COL6A1: variants seen among roughly 807,000 people sequenced by gnomAD.
COL6A1 encodes collagen alpha-1(VI) chain.
COL6A1 carries 80 observed loss-of-function variants against 145.6 expected under a neutral mutation model. That is an observed-to-expected ratio of 0.55 (90% CI 0.46 to 0.66). COL6A1 has a LOEUF of 0.66. Ranked by LOEUF, COL6A1 falls within the 30% of genes least tolerant of loss-of-function variation. The pLI, the probability that COL6A1 is intolerant of heterozygous loss-of-function variation, is 0.00. For synonymous variants in COL6A1, 638 were observed against 622.8 expected (o/e 1.02, Z -0.36); for missense variants, 1,364 against 1,473.8 (o/e 0.93, Z 1.22).
intron 27 of COL6A1, 40 bp downstream of exon 27, chr21:45,999,732 G>C (rs2077827496): frequency 6.3e-7 from 1 of 1,586,964 alleles, no homozygotes; most frequent in Admixed American, 1.7e-5. Context: ...GGCGACCACT[G>C]TAGCTTCCAT....
intron 28 of COL6A1, 81 bp downstream of exon 28, chr21:46,000,448 C>T: frequency 1.3e-6 from 2 of 1,519,260 alleles, no homozygotes; most frequent in Non-Finnish European, 1.8e-6. Flanking sequence ...AAGGGTGTCT[C>T]CACTGTTGGG....
Position 46,002,039 on chromosome 21 carries a change from C to G in COL6A1, c.2035C>G (p.Pro679Ala), listed in dbSNP as rs756467809. The stretch of plus-strand genomic sequence containing the variant: ...GCAGGAGCACGTGAGCCTGCGCAGC[C>G]CCAGCATCCGGAACGTGCAGGAGCT... ...QMQEHVSLRS[P>A]SIRNVQELKE... is the part of the protein sequence containing the mutation. Residue 679 changes from proline to alanine, a missense_variant, in exon 31 of 35, where the codon CCC becomes GCC. By Grantham distance (27) the Pro-to-Ala change is conservative. Around this residue, in one of 3 missense-constraint regions of COL6A1, gnomAD observed 938 missense variants for 1,003.8 expected, o/e 0.93. Transcript: ENST00000361866. 1.2e-6 allele frequency: 2 copies of G among 1,612,492 alleles called. No homozygotes were observed.
chr21:45,990,008 C>T (rs1230144783), intron 11 of COL6A1, among the ~76,000 whole-genome samples: 2 of 9,930 alleles, frequency 2.0e-4, no homozygotes, highest in Admixed American at 1.0e-3. Flanking sequence ...AGGGGTCCCC[C>T]GGGCGGTTAC....
intron 20 of COL6A1, among the ~76,000 whole-genome samples, chr21:45,995,599 AAAAC>A (rs1395012408): frequency 2.0e-5 from 3 of 152,254 alleles, no homozygotes; most frequent in South Asian, 4.1e-4. Flanking sequence ...CTATAAGAAA[AAAAC>A]AAAGCCACTT....
At chr21:46,001,930 T>G (rs778792274) in intron 30 of COL6A1, 31 bp from the exon 31 acceptor site, 2 of 1,591,486 alleles carry the variant, frequency 1.3e-6, no homozygotes, top group Admixed American at 3.4e-5. Context: ...GGGGCAGCAC[T>G]CGCGTCCTGA....
At chr21:45,999,718 TG>T (rs768498519) in intron 27 of COL6A1, 26 bp downstream of exon 27, 3 of 1,545,916 alleles carry the variant, frequency 1.9e-6, no homozygotes, top group Non-Finnish European at 1.7e-6. Context: ...TGAACATTGC[TG>T]GGGGCGACCA....
At chr21:45,990,183 G>T (rs1030800480) in intron 11 of COL6A1, 75 bp from the exon 12 acceptor site, 21 of 1,582,406 alleles carry the variant, frequency 1.3e-5, no homozygotes, top group Non-Finnish European at 1.6e-5. Context: ...CCCCTGCCTC[G>T]CGTGGGCCTA....
chr21:45,997,530 G>A (rs2077812649), intron 21 of COL6A1, 47 bp downstream of exon 21: 3 of 1,588,956 alleles, frequency 1.9e-6, no homozygotes, highest in South Asian at 1.1e-5. Flanking sequence ...GGGGGCCTGA[G>A]GATCCAGAAC....
chr21:45,993,602 CAG>C (rs1569518442), intron 19 of COL6A1, among the ~76,000 whole-genome samples: 1 of 152,142 alleles, frequency 6.6e-6, no homozygotes, highest in East Asian at 1.9e-4. Flanking sequence ...GAGCCGGGGC[CAG>C]AGTCGCCGCC....
chr21:45,998,205 G>A, intron 23 of COL6A1, 34 bp downstream of exon 23: 2 of 1,608,300 alleles, frequency 1.2e-6, no homozygotes, highest in Admixed American at 1.7e-5. Context: ...ACAGGAACAT[G>A]CCCAAGCTGC....
At position 46,003,889 on chromosome 21, in the gene COL6A1, C is replaced by G. The variant is rs746046225; in HGVS notation, c.2963C>G (p.Thr988Ser). ...VNEPHIRVLV[T>S]GKTAEYDVAY... The stretch of plus-strand genomic sequence containing the variant: ...GAGCCCCACATCCGCGTCCTGGTCA[C>G]CGGCAAGACGGCCGAGTACGACGTG... Residue 988 changes from threonine to serine, a missense_variant, in exon 35 of 35, where the codon ACC becomes AGC. This residue lies in a region of COL6A1 where 938 missense variants were observed against 1,003.8 expected (regional missense o/e 0.93). Transcript: ENST00000361866. The G allele has an allele frequency of 1.4e-5, 23 of 1,601,586 alleles. No individual in the cohort carries two copies. The highest frequency in any genetic ancestry group is 1.8e-5 in the Non-Finnish European group (21 of 1,171,544).
chr21:45,997,291 C>A (rs2077810777), intron 20 of COL6A1, 130 bp from the exon 21 acceptor site: 3 of 852,064 alleles, frequency 3.5e-6, no homozygotes, highest in Non-Finnish European at 6.0e-6. Flanking sequence ...TCTCCCCCTG[C>A]ACTGATGGGA....
Position 45,986,704 on chromosome 21 carries a change from C to CT in COL6A1, c.588+19_588+20insT, listed in dbSNP as rs1433812178. Reference sequence around the variant, plus strand: ...CCACCTGGTAGGCACCGGCCCCCCCCGGCAGATGCCCCCAACCACAGGGAG... The same window carrying CT: ...CCACCTGGTAGGCACCGGCCCCCCCCTGGCAGATGCCCCCAACCACAGGGAG... On this transcript the variant is annotated intron_variant, in intron 4 of 34. Transcript: ENST00000361866. 2 of 1,542,086 alleles carry CT rather than the reference C, an allele frequency of 1.3e-6. No individual in the cohort carries two copies. The highest frequency in any genetic ancestry group is 4.9e-5 in the East Asian group (2 of 40,888).
intron 20 of COL6A1, among the ~76,000 whole-genome samples, chr21:45,996,335 T>C (rs2077804302): frequency 6.6e-6 from 1 of 152,214 alleles, no homozygotes; most frequent in Non-Finnish European, 1.5e-5. Flanking sequence ...CAGTCAAGTG[T>C]GCAGTCCTGA....
rs746067135 is a variant in COL6A1, at chr21:46,003,581, C to T, written c.2655C>T (p.Arg885=). Residue 885 remains arginine (R), a synonymous_variant, in exon 35 of 35, where the codon CGC becomes CGT. Transcript: ENST00000361866. The stretch of plus-strand genomic sequence containing the variant: ...AGTACAGCGGCACGGGCCAGCAGCG[C>T]CCAGAGCGGGCGTCGCTGCAGTTCC... ...VVQYSGTGQQ[R]PERASLQFLQ... The T allele has an allele frequency of 6.2e-7, 1 of 1,612,634 alleles. No homozygotes were observed. Among genetic ancestry groups the T allele is most frequent in the African/African-American group, 1.3e-5 (1 of 74,942 alleles).
At chr21:45,998,559 A>G in intron 24 of COL6A1, 126 bp downstream of exon 24, 1 of 1,301,686 alleles carries the variant, frequency 7.7e-7, no homozygotes, top group East Asian at 2.4e-5. Context: ...ACAGGCACCC[A>G]CGGCTGCCCC....
In COL6A1 at chr21:45,997,664, A is replaced by G. The variant is rs2276255; in HGVS notation, c.1462-36A>G. The G allele has an allele frequency of 0.31, 487,475 of 1,569,028 alleles. 77,947 individuals are homozygous for G. Among genetic ancestry groups the G allele is most frequent in the African/African-American group, 0.47 (34,607 of 73,810 alleles). ...TGCTTCCCTCCAAGGTCACCATGCT[A>G]AGCCTGCTCCCCTCACGCCTCCTCT... is the stretch of plus-strand genomic sequence containing the variant. On this transcript the variant is annotated intron_variant, in intron 21 of 34. Coordinates refer to ENST00000361866, the MANE Select transcript of COL6A1 (RefSeq NM_001848.3).
chr21:46,004,329 G>A lies in COL6A1; in HGVS notation c.*316G>A. The A allele has an allele frequency of 2.2e-6, 1 of 462,080 alleles. No homozygotes were observed. Among genetic ancestry groups the A allele is most frequent in the Non-Finnish European group, 3.9e-6 (1 of 253,608 alleles). 28.6% of individuals were successfully genotyped at this position (462,080 alleles called of 1,614,324 possible). A position where few individuals can be genotyped will look rare whatever the true frequency, so the allele number is the denominator to read the frequency against. ...AGGGCCCTCTGGGGCTCAGCCCTGA[G>A]CTGGCCTCACCTGGGTTCCCCACCC... is the stretch of plus-strand genomic sequence containing the variant. On this transcript the variant is annotated 3_prime_UTR_variant, in exon 35 of 35. Transcript: ENST00000361866.
At chr21:45,988,609 C>G (rs958334554) in intron 8 of COL6A1, among the ~76,000 whole-genome samples, 5 of 152,116 alleles carry the variant, frequency 3.3e-5, no homozygotes, top group African/African-American at 1.2e-4. Context: ...AAGGACCTTT[C>G]TGGAGGTAGG....
Sources: allele counts gnomAD v4.1 joint callset (sites outside exome capture counted in the v4.1 genomes callset), GRCh38; gene constraint gnomAD v4.1.1; regional missense constraint gnomAD v4.1.1; transcripts MANE v1.5; gene names NCBI Gene and HGNC (gene_info 2026-07-23, HGNC 2026-07-21).